Variants in MMP16 observed in about 807,000 individuals in gnomAD.
The protein encoded by MMP16 is matrix metalloproteinase-16.
In MMP16, 12 loss-of-function variants were observed where a neutral mutation model predicts 67.8. That is an observed-to-expected ratio of 0.18 (90% CI 0.11 to 0.29). The LOEUF is 0.29. Ranked by LOEUF, MMP16 falls within the 10% of genes least tolerant of loss-of-function variation. The pLI is 1.00. For synonymous variants in MMP16, 249 were observed against 255.9 expected (o/e 0.97, Z 0.26); for missense variants, 475 against 765.7 (o/e 0.62, Z 4.48).
At chr8:88,247,113 C>T (rs1010240347) in intron 1 of MMP16, among the ~76,000 whole-genome samples, 7 of 152,036 alleles carry the variant, frequency 4.6e-5, no homozygotes, top group Non-Finnish European at 7.4e-5. Context: ...ACCGCAGAGC[C>T]ATAATGAGGT....
At chr8:88,320,635 A>G (rs1205674300) in intron 1 of MMP16, among the ~76,000 whole-genome samples, 1 of 152,162 alleles carries the variant, frequency 6.6e-6, no homozygotes, top group Non-Finnish European at 1.5e-5. Flanking sequence ...GTGTTCATTG[A>G]TTTCTTCAAA....
intron 1 of MMP16, among the ~76,000 whole-genome samples, chr8:88,231,905 T>C (rs1809865225): frequency 6.6e-6 from 1 of 152,214 alleles, no homozygotes; most frequent in Non-Finnish European, 1.5e-5. Flanking sequence ...AAATGTCATA[T>C]TCCCATTCAT....
At chr8:88,112,432 T>G (rs1037504856) in intron 6 of MMP16, among the ~76,000 whole-genome samples, 1 of 151,808 alleles carries the variant, frequency 6.6e-6, no homozygotes, top group African/African-American at 2.4e-5. Context: ...AGTATTCATT[T>G]GAACAATCAG....
At chr8:88,189,811 C>T (rs1201895200) in intron 2 of MMP16, among the ~76,000 whole-genome samples, 1 of 152,064 alleles carries the variant, frequency 6.6e-6, no homozygotes, top group Non-Finnish European at 1.5e-5. Flanking sequence ...TACAGTTTAC[C>T]ACCCCAATGC....
intron 4 of MMP16, among the ~76,000 whole-genome samples, chr8:88,161,017 T>C (rs1586182610): frequency 2.0e-5 from 3 of 152,110 alleles, no homozygotes; most frequent in Non-Finnish European, 2.9e-5. Context: ...TCTTTTTTTG[T>C]TGTGTCTCTG....
In MMP16 at chr8:88,087,941, T is replaced by C. The variant is rs543116617; in HGVS notation, c.1084-13198A>G. 4.8e-4 allele frequency among the ~76,000 whole-genome samples: 72 copies of C among 149,316 alleles called. 1 individual carries two copies. Among genetic ancestry groups the C allele is most frequent in the East Asian group, 7.9e-4 (4 of 5,088 alleles). ...CCTAGGGTAACAGAGTGAGGTCCTG[T>C]CTCCAAAAAAACCAAACAAACAAAA... is the stretch of plus-strand genomic sequence containing the variant. On this transcript the variant is annotated intron_variant, in intron 6 of 9. Transcript: ENST00000286614.
intron 6 of MMP16, among the ~76,000 whole-genome samples, chr8:88,111,439 G>T (rs1179729234): frequency 6.6e-6 from 1 of 151,648 alleles, no homozygotes; most frequent in East Asian, 1.9e-4. Context: ...ACAGGGAAAG[G>T]CCTGTAGAGC....
intron 4 of MMP16, among the ~76,000 whole-genome samples, chr8:88,140,687 A>T (rs28907600): frequency 2.0e-5 from 3 of 152,118 alleles, no homozygotes; most frequent in Admixed American, 2.0e-4. Flanking sequence ...ATATTTTCCT[A>T]TATTTTTCAA....
intron 1 of MMP16, among the ~76,000 whole-genome samples, chr8:88,234,167 C>T (rs1345506722): frequency 3.9e-5 from 6 of 152,136 alleles, no homozygotes; most frequent in Non-Finnish European, 2.9e-5. Flanking sequence ...AAGAGAAAAA[C>T]ATAAAGTGGA....
chr8:88,294,083 ACTAT>A (rs1810966355), intron 1 of MMP16, among the ~76,000 whole-genome samples: 1 of 152,056 alleles, frequency 6.6e-6, no homozygotes, highest in South Asian at 2.1e-4. Flanking sequence ...TGTCTAACTG[ACTAT>A]CTATAAAGAT....
At chr8:88,308,427 G>A (rs368075597) in intron 1 of MMP16, among the ~76,000 whole-genome samples, 3 of 152,132 alleles carry the variant, frequency 2.0e-5, no homozygotes, top group East Asian at 3.9e-4. Context: ...CAGTAGAATT[G>A]CCCCAGACAA....
intron 1 of MMP16, among the ~76,000 whole-genome samples, chr8:88,320,054 C>G (rs1811434342): frequency 6.6e-6 from 1 of 152,098 alleles, no homozygotes. Flanking sequence ...CCTTTGTTAT[C>G]CCCCAACCTC....
At chr8:88,091,241 AT>A (rs567097077) in intron 6 of MMP16, among the ~76,000 whole-genome samples, 93 of 151,924 alleles carry the variant, frequency 6.1e-4, no homozygotes, top group African/African-American at 1.7e-3. Flanking sequence ...CTTGTTGAAT[AT>A]TTTTTTCATA....
intron 4 of MMP16, among the ~76,000 whole-genome samples, chr8:88,157,323 T>A (rs1194709036): frequency 6.6e-6 from 1 of 151,978 alleles, no homozygotes; most frequent in Non-Finnish European, 1.5e-5. Flanking sequence ...AGGCTAAAGA[T>A]GACTTAAAAC....
chr8:88,111,222 C>T (rs569287144), intron 6 of MMP16, among the ~76,000 whole-genome samples: 2 of 151,666 alleles, frequency 1.3e-5, no homozygotes, highest in Non-Finnish European at 2.9e-5. Context: ...ATCCATCCCA[C>T]TATATGGGGT....
At chr8:88,151,009 T>C (rs2129645008) in intron 4 of MMP16, among the ~76,000 whole-genome samples, 1 of 141,488 alleles carries the variant, frequency 7.1e-6, no homozygotes, top group East Asian at 2.1e-4. Context: ...AATAAAAGGA[T>C]GGAGGAAGAT....
chr8:88,050,657 G>A (rs1320370551), intron 8 of MMP16, among the ~76,000 whole-genome samples: 1 of 152,152 alleles, frequency 6.6e-6, no homozygotes, highest in Non-Finnish European at 1.5e-5. Context: ...ATTATTCAAA[G>A]ACAATTGACT....
intron 7 of MMP16, among the ~76,000 whole-genome samples, chr8:88,066,457 A>G (rs1808464487): frequency 6.6e-6 from 1 of 152,130 alleles, no homozygotes; most frequent in African/African-American, 2.4e-5. Context: ...CTCTAAATAA[A>G]AAACAAACAC....
At chr8:88,083,908 A>C (rs1278499861) in intron 6 of MMP16, among the ~76,000 whole-genome samples, 1 of 152,048 alleles carries the variant, frequency 6.6e-6, no homozygotes, top group Non-Finnish European at 1.5e-5. Flanking sequence ...AAAGAACAAA[A>C]CAAAAATTTT....
Sources: allele counts gnomAD v4.1 joint callset (sites outside exome capture counted in the v4.1 genomes callset), GRCh38; gene constraint gnomAD v4.1.1; transcripts MANE v1.5; gene names NCBI Gene and HGNC (gene_info 2026-07-23, HGNC 2026-07-21).